The following YJU2B variants were observed in gnomAD, a reference collection of about 807,000 sequenced individuals.
The protein encoded by YJU2B is probable splicing factor YJU2B.
Under a neutral mutation model 38.0 loss-of-function variants are expected in YJU2B, and 18 were observed. The ratio of observed to expected loss-of-function variants is 0.47; its 90% CI spans 0.33 to 0.70. The LOEUF (loss-of-function observed/expected upper bound fraction) is 0.70. Among genes scored for constraint, YJU2B ranks in the 30% least tolerant of loss-of-function variants. YJU2B has a pLI of 0.02. For synonymous variants in YJU2B, 246 were observed against 225.4 expected (o/e 1.09, Z -0.82); for missense variants, 538 against 556.3 (o/e 0.97, Z 0.33).
chr19:13,741,864 A>C (rs1973103687), intron 2 of YJU2B, among the ~76,000 whole-genome samples: 1 of 152,192 alleles, frequency 6.6e-6, no homozygotes, highest in Admixed American at 6.6e-5. Context: ...TCTCTTTGGA[A>C]GTTCCCTTAT....
chr19:13,741,350 T>A (rs1973089971), intron 2 of YJU2B, among the ~76,000 whole-genome samples: 2 of 151,788 alleles, frequency 1.3e-5, no homozygotes, highest in Admixed American at 6.6e-5. Flanking sequence ...AGATGGGGTT[T>A]CACCGTGTTG....
intron 2 of YJU2B, among the ~76,000 whole-genome samples, chr19:13,733,786 A>C (rs1972878671): frequency 6.6e-6 from 1 of 152,212 alleles, no homozygotes; most frequent in Non-Finnish European, 1.5e-5. Flanking sequence ...TGTCACAACC[A>C]AAAATGTCTG....
chr19:13,752,068 T>A (rs1352268480), intron 2 of YJU2B, among the ~76,000 whole-genome samples: 2 of 152,138 alleles, frequency 1.3e-5, no homozygotes, highest in Non-Finnish European at 2.9e-5. Context: ...AGTGGCACGC[T>A]CTCGGCTCAC....
At chr19:13,748,365 C>T (rs868405958) in intron 1 of YJU2B, among the ~76,000 whole-genome samples, 1 of 152,090 alleles carries the variant, frequency 6.6e-6, no homozygotes, top group South Asian at 2.1e-4. Context: ...CATTTTTACA[C>T]ATAAGGAAAA....
chr19:13,751,931 T>C (rs559236978), intron 2 of YJU2B, 120 bp downstream of exon 2: 2 of 992,622 alleles, frequency 2.0e-6, no homozygotes, highest in South Asian at 2.7e-5. Context: ...GGTCATCATC[T>C]TTTGGTGCAG....
chr19:13,739,209 G>A (rs1407224960), intron 2 of YJU2B, among the ~76,000 whole-genome samples: 5 of 152,104 alleles, frequency 3.3e-5, no homozygotes, highest in South Asian at 2.1e-4. Context: ...ACCATGGTGC[G>A]ATCACAGCTC....
chr19:13,743,878 C>CA (rs1491472451), upstream of YJU2B, among the ~76,000 whole-genome samples: 1 of 93,810 alleles, frequency 1.1e-5, no homozygotes, highest in African/African-American at 4.3e-5. Flanking sequence ...GGGCAAGACT[C>CA]AGTCTCAGGA....
chr19:13,750,465 G>T (rs1208271987), intron 1 of YJU2B, among the ~76,000 whole-genome samples: 2 of 152,080 alleles, frequency 1.3e-5, no homozygotes, highest in Non-Finnish European at 2.9e-5. Context: ...GACCTCAGGG[G>T]ATCCACCTGC....
chr19:13,732,449 G>A (rs1433775236), intron 2 of YJU2B: 1 of 152,000 alleles, frequency 6.6e-6, no homozygotes, highest in Non-Finnish European at 1.5e-5. Flanking sequence ...GGAGCTCAAA[G>A]ATGCTAACCT....
rs1973928272 is a variant in YJU2B at position 13,762,442 on chromosome 19, G to A, written c.712+5G>A. 1 of 1,611,482 alleles carries A rather than the reference G, an allele frequency of 6.2e-7. No homozygotes were observed. Among genetic ancestry groups the A allele is most frequent in the South Asian group, 1.1e-5 (1 of 90,974 alleles). ...TGAAGTTCCACACCCTGGACTGTGCGTAGGAGGCCAGGGGGAAAAGGGGAC... is the reference window on the plus strand; with the variant it reads ...TGAAGTTCCACACCCTGGACTGTGCATAGGAGGCCAGGGGGAAAAGGGGAC... On this transcript the variant is annotated splice_donor_5th_base_variant and intron_variant, in intron 9 of 9. Transcript: ENST00000221554.
chr19:13,761,828 A>G (rs1438658912), intron 8 of YJU2B, among the ~76,000 whole-genome samples: 2 of 150,666 alleles, frequency 1.3e-5, no homozygotes, highest in East Asian at 3.9e-4. Context: ...GGTTGAAGTG[A>G]TTTTCATGCC....
chr19:13,748,999 GCTT>G (rs1271006337), intron 1 of YJU2B, among the ~76,000 whole-genome samples: 1 of 152,106 alleles, frequency 6.6e-6, no homozygotes, highest in Non-Finnish European at 1.5e-5. Flanking sequence ...TCTTCCATCA[GCTT>G]CTTTCTTTCT....
chr19:13,742,351 G>A (rs938974428), intron 2 of YJU2B, among the ~76,000 whole-genome samples: 38 of 133,244 alleles, frequency 2.9e-4, no homozygotes, highest in Admixed American at 1.1e-3. Flanking sequence ...CGCCAGCGCT[G>A]GAGTGCAGTG....
At chr19:13,736,051 CA>C (rs397972330) in intron 2 of YJU2B, among the ~76,000 whole-genome samples, 119 of 122,962 alleles carry the variant, frequency 9.7e-4, no homozygotes, top group Middle Eastern at 4.2e-3. Flanking sequence ...GACTCCGTCT[CA>C]AAAAAAAAAA....
At chr19:13,744,473 A>T (rs896550217), upstream of YJU2B, among the ~76,000 whole-genome samples, 2 of 152,318 alleles carry the variant, frequency 1.3e-5, no homozygotes, top group African/African-American at 4.8e-5. Context: ...CTGGGACTCT[A>T]ACTTCCTTAG....
intron 2 of YJU2B, among the ~76,000 whole-genome samples, chr19:13,752,462 G>C (rs1221899776): frequency 6.6e-6 from 1 of 152,052 alleles, no homozygotes; most frequent in African/African-American, 2.4e-5. Context: ...ACAAAAATTA[G>C]GCTGGGCGCG....
intron 2 of YJU2B, among the ~76,000 whole-genome samples, chr19:13,741,836 C>T (rs1383016793): frequency 6.6e-6 from 1 of 152,106 alleles, no homozygotes; most frequent in Non-Finnish European, 1.5e-5. Flanking sequence ...TCCCCATCTC[C>T]CAAGCACAGG....
At chr19:13,752,933 C>A (rs1973525941) in intron 2 of YJU2B, among the ~76,000 whole-genome samples, 1 of 151,536 alleles carries the variant, frequency 6.6e-6, no homozygotes, top group East Asian at 1.9e-4. Flanking sequence ...AAGAAGAAAA[C>A]AAGAGCGACT....
chr19:13,757,599 T>A, intron 5 of YJU2B, 126 bp downstream of exon 5: 1 of 1,076,718 alleles, frequency 9.3e-7, no homozygotes, highest in Non-Finnish European at 1.4e-6. Context: ...CCCGAGTGAC[T>A]GGCTGGCCAT....
Sources: gnomAD v4.1 joint callset for allele counts (sites outside exome capture counted in the v4.1 genomes callset) on GRCh38, gnomAD v4.1.1 for gene constraint, MANE v1.5 for transcripts, NCBI Gene and HGNC (gene_info 2026-07-23, HGNC 2026-07-21) for gene names.